The following SYTL4 variants were observed in gnomAD, a reference collection of about 807,000 sequenced individuals.
SYTL4 encodes the protein synaptotagmin-like protein 4.
A neutral mutation model predicts 52.7 loss-of-function variants in SYTL4; 16 were observed. That is an observed-to-expected ratio of 0.30 (90% CI 0.21 to 0.46). The LOEUF (loss-of-function observed/expected upper bound fraction) is 0.46. Among genes scored for constraint, SYTL4 ranks in the 20% least tolerant of loss-of-function variants. The pLI, the probability that SYTL4 is intolerant of heterozygous loss-of-function variation, is 1.00. For synonymous variants in SYTL4, 160 were observed against 186.6 expected, an observed-to-expected ratio of 0.86 and a Z score of 1.16; for missense variants, 423 against 519.9, an observed-to-expected ratio of 0.81 and a Z score of 1.81.
At chrX:100,717,079 A>G (rs997341444) in intron 2 of SYTL4, among the ~76,000 whole-genome samples, 8 of 111,444 alleles carry the variant, frequency 7.2e-5, no homozygotes, top group Admixed American at 1.9e-4. Context: ...GGCCTTCCAA[A>G]TCTTACTTCT....
intron 2 of SYTL4, among the ~76,000 whole-genome samples, chrX:100,728,598 G>T (rs937133412): frequency 8.9e-6 from 1 of 111,751 alleles, no homozygotes; most frequent in South Asian, 3.7e-4. Context: ...TATTGATCTT[G>T]CGAGAAGCCT....
intron 16 of SYTL4, among the ~76,000 whole-genome samples, chrX:100,683,275 T>C (rs1025621011): frequency 9.3e-6 from 1 of 107,786 alleles, no homozygotes; most frequent in Non-Finnish European, 1.9e-5. Context: ...GCCTCCCGAG[T>C]AGCTGGGACT....
chrX:100,688,387 C>T lies in SYTL4; in HGVS notation c.969G>A (p.Lys323=), dbSNP rs1277265878. Residue 323 remains lysine, a synonymous_variant, in exon 13 of 20, where the codon AAG becomes AAA. Coordinates refer to ENST00000372989, the MANE Select transcript of SYTL4 (RefSeq NM_001370165.1). ...IDHLVKLHRQ[K]LARSSMQSGS... Reference sequence around the variant, plus strand: ...CACTTTGCATGCTGCTTCTGGCTAGCTTCTGGCGATGTAACTTCACTAGGT... The same window carrying T: ...CACTTTGCATGCTGCTTCTGGCTAGTTTCTGGCGATGTAACTTCACTAGGT... 2 of 1,209,069 alleles carry T rather than the reference C, an allele frequency of 1.7e-6. No individual in the cohort carries two copies. The highest frequency in any genetic ancestry group is 2.2e-5 in the Admixed American group (1 of 45,701).
chrX:100,688,133 T>C (rs1476340899), intron 13 of SYTL4: 2 of 347,574 alleles, frequency 5.8e-6, no homozygotes, highest in Non-Finnish European at 1.0e-5. Flanking sequence ...TGTCCCAAGC[T>C]GTAATGTAAT....
intron 2 of SYTL4, among the ~76,000 whole-genome samples, chrX:100,711,308 T>C (rs1228003075): frequency 9.0e-6 from 1 of 111,658 alleles, no homozygotes; most frequent in East Asian, 2.8e-4. Context: ...CTAACAGGCA[T>C]GCAAAAAAGC....
At chrX:100,676,324 C>T (rs2083277387) in intron 19 of SYTL4, 148 bp from the exon 20 acceptor site, 1 of 548,509 alleles carries the variant, frequency 1.8e-6, no homozygotes, top group Admixed American at 3.5e-5. Context: ...TGCTCCCTCA[C>T]CTGTATTCCT....
intron 8 of SYTL4, among the ~76,000 whole-genome samples, chrX:100,694,740 AT>A (rs774093138): frequency 1.8e-5 from 2 of 112,112 alleles, no homozygotes; most frequent in African/African-American, 6.5e-5. Context: ...CATAGTAGGC[AT>A]TCATAGATAT....
chrX:100,714,940 A>C (rs2147802871), intron 2 of SYTL4, among the ~76,000 whole-genome samples: 1 of 112,391 alleles, frequency 8.9e-6, no homozygotes, highest in Non-Finnish European at 1.9e-5. Flanking sequence ...TCAAAATGAG[A>C]GCAAAGGTTA....
At chrX:100,690,249 A>T in intron 10 of SYTL4, 84 bp from the exon 11 acceptor site, 1 of 687,842 alleles carries the variant, frequency 1.5e-6, no homozygotes, top group Non-Finnish European at 2.2e-6. Flanking sequence ...TCTTAAGAAG[A>T]ATAAGGCTCA....
chrX:100,687,126 G>A lies in SYTL4; in HGVS notation c.1125C>T (p.Val375=). ...CCAGCTGATGGCACTCCTTCACATG[G>A]ACAACCAGACTCTGGGTTTGCTGCT... ...KYEQQTQSLV[V]HVKECHQLAY... is the part of the protein sequence containing the mutation. The change falls in exon 14 of 20, where the codon GTC becomes GTT. Residue 375 remains valine, a synonymous_variant. Coordinates refer to ENST00000372989, the MANE Select transcript of SYTL4 (RefSeq NM_001370165.1). 8.3e-7 allele frequency: 1 copy of A among 1,211,488 alleles called. No homozygotes were observed. The highest frequency in any genetic ancestry group is 1.1e-6 in the Non-Finnish European group (1 of 895,445).
intron 2 of SYTL4, among the ~76,000 whole-genome samples, chrX:100,719,645 A>G (rs188106348): frequency 0.014 from 1,445 of 104,376 alleles, 11 homozygotes; most frequent in Middle Eastern, 0.019. Flanking sequence ...CAGGACATCC[A>G]TCCTAAAAGA....
At chrX:100,709,772 A>G in intron 2 of SYTL4, among the ~76,000 whole-genome samples, 1 of 112,650 alleles carries the variant, frequency 8.9e-6, no homozygotes, top group Admixed American at 9.4e-5. Context: ...CAGTTTGTAT[A>G]TGTTCATTTG....
chrX:100,723,789 GAGGAGTCCC>G (rs1281849573), intron 2 of SYTL4, among the ~76,000 whole-genome samples: 1 of 109,382 alleles, frequency 9.1e-6, no homozygotes, highest in Non-Finnish European at 1.9e-5. Context: ...TCTGAGAAGT[GAGGAGTCCC>G]TCCGCCCGGC....
chrX:100,688,254 G>A (rs2083511752), intron 13 of SYTL4, 97 bp downstream of exon 13: 2 of 658,086 alleles, frequency 3.0e-6, no homozygotes, highest in Non-Finnish European at 4.9e-6. Context: ...AGAGTGACTA[G>A]GATGGTTTCC....
intron 8 of SYTL4, among the ~76,000 whole-genome samples, chrX:100,696,913 C>T (rs977606838): frequency 9.0e-6 from 1 of 111,142 alleles, no homozygotes; most frequent in Admixed American, 9.6e-5. Context: ...ACACACCATA[C>T]AAAAGCTAAA....
chrX:100,684,907 G>A (rs1179577186), intron 16 of SYTL4: 1 of 110,685 alleles, frequency 9.0e-6, no homozygotes, highest in Non-Finnish European at 1.9e-5. Context: ...ATGTTGGTCA[G>A]GGTGGTCTCG....
rs2083319667 is a variant in SYTL4, at chrX:100,678,518, A to G, written c.1740T>C (p.His580=). 8.3e-7 allele frequency: 1 copy of G among 1,208,666 alleles called. No individual in the cohort carries two copies. The highest frequency in any genetic ancestry group is 1.8e-5 in the African/African-American group (1 of 56,955). The change falls in exon 19 of 20, where the codon CAT becomes CAC. Residue 580 remains histidine (H), a synonymous_variant. Transcript: ENST00000372989. ...GCCTCACACCATTGTAGACAAATGT[A>G]TGGTTGTAGTGAGGATTCAGGGTCT... ...MKKTLNPHYN[H]TFVYNGVRLE... is the part of the protein sequence containing the mutation.
chrX:100,724,078 G>C (rs1428372152), intron 2 of SYTL4, among the ~76,000 whole-genome samples: 2 of 94,483 alleles, frequency 2.1e-5, no homozygotes, highest in Non-Finnish European at 4.2e-5. Context: ...GCCTCTGCCC[G>C]GCCGCCCCTG....
chrX:100,712,351 T>C (rs986739461), intron 2 of SYTL4, among the ~76,000 whole-genome samples: 1 of 112,509 alleles, frequency 8.9e-6, no homozygotes, highest in Non-Finnish European at 1.9e-5. Context: ...AGCGGAAACT[T>C]AACCTGATTT....
Sources: gnomAD v4.1 joint callset for allele counts (sites outside exome capture counted in the v4.1 genomes callset) on GRCh38, gnomAD v4.1.1 for gene constraint, MANE v1.5 for transcripts, NCBI Gene and HGNC (gene_info 2026-07-23, HGNC 2026-07-21) for gene names.